POU2F1: variants seen among roughly 807,000 people sequenced by gnomAD.
The protein encoded by POU2F1 is POU domain, class 2, transcription factor 1.
In POU2F1, 16 loss-of-function variants were observed where a neutral mutation model predicts 84.9. The observed-to-expected ratio is 0.19, with a 90% confidence interval of 0.13 to 0.29. The LOEUF is 0.29. POU2F1 is among the 10% of genes least tolerant of loss of function. POU2F1 has a pLI of 1.00. For synonymous variants in POU2F1, 368 were observed against 368.3 expected, an observed-to-expected ratio of 1.00 and a Z score of 0.01; for missense variants, 738 against 942.6, an observed-to-expected ratio of 0.78 and a Z score of 2.84.
chr1:167,393,278 T>G (rs1648558048), intron 9 of POU2F1, among the ~76,000 whole-genome samples: 1 of 152,198 alleles, frequency 6.6e-6, no homozygotes, highest in Non-Finnish European at 1.5e-5. Flanking sequence ...CTGTACCGAA[T>G]TAATGAAAAT....
intron 1 of POU2F1, among the ~76,000 whole-genome samples, chr1:167,242,294 C>T (rs1441454072): frequency 1.3e-5 from 2 of 152,136 alleles, no homozygotes; most frequent in Non-Finnish European, 2.9e-5. Context: ...ATGCCATGCA[C>T]GAGAATTTCA....
intron 1 of POU2F1, among the ~76,000 whole-genome samples, chr1:167,330,739 CTTTA>C (rs1657028749): frequency 6.6e-6 from 1 of 152,042 alleles, no homozygotes; most frequent in African/African-American, 2.4e-5. Context: ...GTGACATAGT[CTTTA>C]TAGATGGGAA....
chr1:167,242,508 A>G (rs1343613450), intron 1 of POU2F1, among the ~76,000 whole-genome samples: 1 of 152,236 alleles, frequency 6.6e-6, no homozygotes, highest in African/African-American at 2.4e-5. Context: ...GACGCATTGA[A>G]GCACTAAGTG....
At chr1:167,285,186 A>T (rs545827826) in intron 1 of POU2F1, among the ~76,000 whole-genome samples, 2 of 152,342 alleles carry the variant, frequency 1.3e-5, no homozygotes, top group East Asian at 1.9e-4. Flanking sequence ...ACTGCTTTAT[A>T]GAGTTTTGTT....
chr1:167,283,990 A>G (rs1159127538), intron 1 of POU2F1, among the ~76,000 whole-genome samples: 1 of 152,202 alleles, frequency 6.6e-6, no homozygotes, highest in Non-Finnish European at 1.5e-5. Flanking sequence ...GTGGAGATAG[A>G]TAAGGCTGAG....
chr1:167,258,164 A>G (rs1382420766), intron 1 of POU2F1, among the ~76,000 whole-genome samples: 1 of 152,208 alleles, frequency 6.6e-6, no homozygotes, highest in Non-Finnish European at 1.5e-5. Flanking sequence ...ACAATATGTT[A>G]TAGCTCCAGA....
intron 1 of POU2F1, among the ~76,000 whole-genome samples, chr1:167,299,233 T>C (rs974116150): frequency 1.3e-5 from 2 of 151,008 alleles, no homozygotes; most frequent in Non-Finnish European, 3.0e-5. Flanking sequence ...TTGGATATAC[T>C]GAGGTTAAAG....
intron 2 of POU2F1, among the ~76,000 whole-genome samples, chr1:167,357,996 G>T (rs941601868): frequency 1.3e-5 from 2 of 151,192 alleles, no homozygotes; most frequent in Non-Finnish European, 2.9e-5. Flanking sequence ...TAGAGATGGG[G>T]TTTCACCGTG....
rs1370301062 is a variant in POU2F1 at position 167,419,600 on chromosome 1, A to G, written c.*3790A>G. On this transcript the variant is annotated 3_prime_UTR_variant, in exon 16 of 16. Transcript: ENST00000367866. The stretch of plus-strand genomic sequence containing the variant: ...GGCTTCTCACAGGAACAATATTACT[A>G]TGTTGTTCTAAGAAAAAATAAGTTG... The G allele has an allele frequency of 2.0e-5, 3 of 152,254 alleles. No homozygotes were observed. Among genetic ancestry groups the G allele is most frequent in the Non-Finnish European group, 2.9e-5 (2 of 68,048 alleles). 9.4% of individuals were successfully genotyped at this position (152,254 alleles called of 1,614,324 possible). A position where few individuals can be genotyped will look rare whatever the true frequency, so the allele number is the denominator to read the frequency against.
intron 1 of POU2F1, among the ~76,000 whole-genome samples, chr1:167,254,216 A>G (rs1650963513): frequency 6.6e-6 from 1 of 152,226 alleles, no homozygotes; most frequent in African/African-American, 2.4e-5. Flanking sequence ...AAATAATAAT[A>G]TTAGTCTGAC....
chr1:167,278,284 T>C (rs772331904), intron 1 of POU2F1, among the ~76,000 whole-genome samples: 4 of 152,222 alleles, frequency 2.6e-5, no homozygotes, highest in Non-Finnish European at 5.9e-5. Flanking sequence ...TATTGATATA[T>C]GGTCTTGTAA....
chr1:167,332,710 A>T (rs1657157125), intron 2 of POU2F1, among the ~76,000 whole-genome samples, 175 bp downstream of exon 2: 1 of 152,166 alleles, frequency 6.6e-6, no homozygotes, highest in East Asian at 1.9e-4. Flanking sequence ...AGATTACTTA[A>T]CTTTCTTCTG....
chr1:167,342,366 T>C (rs1034459727), intron 2 of POU2F1, among the ~76,000 whole-genome samples: 1 of 152,226 alleles, frequency 6.6e-6, no homozygotes. Flanking sequence ...GGGCTTGTAT[T>C]CCAAAAATAC....
At chr1:167,374,895 A>G (rs898968388) in intron 6 of POU2F1, among the ~76,000 whole-genome samples, 4 of 152,158 alleles carry the variant, frequency 2.6e-5, no homozygotes, top group African/African-American at 4.8e-5. Flanking sequence ...GTGAAACCCC[A>G]TCTCTACTAA....
In POU2F1 at chr1:167,411,863, A is replaced by G. The variant is rs908235297; in HGVS notation, c.1556-96A>G. 6 of 1,135,592 alleles carry G rather than the reference A, an allele frequency of 5.3e-6. No homozygotes were observed. In the African/African-American group the frequency reaches 7.8e-5, roughly 15 times the overall value. The allele number at this position is 1,135,592 out of a possible 1,614,324, so 70.3% of individuals were successfully genotyped here. A position where few individuals can be genotyped will look rare whatever the true frequency, so the allele number is the denominator to read the frequency against. ...GGACAGCTTTACTAGGTGGTAGGTT[A>G]ATTATTCCATTGATTATAGAGTTTG... On this transcript the variant is annotated intron_variant, in intron 13 of 15. Transcript: ENST00000367866.
intron 15 of POU2F1, among the ~76,000 whole-genome samples, chr1:167,414,093 T>TA (rs2101949414): frequency 6.6e-6 from 1 of 152,118 alleles, no homozygotes; most frequent in Non-Finnish European, 1.5e-5. Context: ...TCACAGGTAA[T>TA]ATCTCTAACA....
intron 1 of POU2F1, among the ~76,000 whole-genome samples, chr1:167,248,410 T>C (rs1187856890): frequency 6.6e-6 from 1 of 152,170 alleles, no homozygotes; most frequent in Non-Finnish European, 1.5e-5. Context: ...CCCTGAACTT[T>C]AAATAGAAAA....
Position 167,426,482 on chromosome 1 carries a change from A to G in POU2F1, c.*10672A>G, listed in dbSNP as rs1650957405. On this transcript the variant is annotated 3_prime_UTR_variant, in exon 16 of 16. Transcript: ENST00000367866. ...AATAATAATCTCCCACCAGGTGTCA[A>G]TTTAGATTGCATATTCCTCATTACT... 2.0e-5 allele frequency: 3 copies of G among 152,222 alleles called. No individual in the cohort carries two copies. Among genetic ancestry groups the G allele is most frequent in the Admixed American group, 6.5e-5 (1 of 15,288 alleles). The allele number at this position is 152,222 out of a possible 1,614,324, so 9.4% of individuals were successfully genotyped here. A position where few individuals can be genotyped will look rare whatever the true frequency, so the allele number is the denominator to read the frequency against.
chr1:167,298,041 G>C (rs1654410236), intron 1 of POU2F1, among the ~76,000 whole-genome samples: 1 of 151,986 alleles, frequency 6.6e-6, no homozygotes, highest in Admixed American at 6.6e-5. Flanking sequence ...CAGGAGAATT[G>C]CTTGAACCTG....
Sources: gnomAD v4.1 joint callset for allele counts (sites outside exome capture counted in the v4.1 genomes callset) on GRCh38, gnomAD v4.1.1 for gene constraint, MANE v1.5 for transcripts, NCBI Gene and HGNC (gene_info 2026-07-23, HGNC 2026-07-21) for gene names.